ASAP2: variants seen among roughly 807,000 people sequenced by gnomAD.
The protein encoded by ASAP2 is arf-GAP with SH3 domain, ANK repeat and PH domain-containing protein 2.
ASAP2 carries 45 observed loss-of-function variants against 131.4 expected under a neutral mutation model. The observed-to-expected ratio is 0.34, with a 90% CI of 0.27 to 0.44. ASAP2 has a LOEUF of 0.44. Ranked by LOEUF, ASAP2 falls within the 20% of genes least tolerant of loss-of-function variation. The pLI is 1.00. For synonymous variants in ASAP2, 510 were observed against 503.0 expected, an observed-to-expected ratio of 1.01 and a Z score of -0.19; for missense variants, 1,011 against 1,297.0, an observed-to-expected ratio of 0.78 and a Z score of 3.39.
rs1171661319 is a variant in ASAP2, at chr2:9,367,027, A to ATTTTTTTTTTTTTTTTT, written c.1462-1396_1462-1380dup. Among the ~76,000 whole-genome samples, 142 of 132,920 alleles carry ATTTTTTTTTTTTTTTTT rather than the reference A, an allele frequency of 1.1e-3. 11 individuals are homozygous for ATTTTTTTTTTTTTTTTT. The highest frequency in any genetic ancestry group is 4.3e-3 in the African/African-American group (138 of 32,314). 87.2% of individuals were successfully genotyped at this position (132,920 alleles called of 152,430 possible). The stretch of plus-strand genomic sequence containing the variant: ...GTTTGTTAACTCCTTTGCCTGCATA[A>ATTTTTTTTTTTTTTTTT]TTTTTTTTTTTTTTTTTTGTAGAGA... On this transcript the variant is annotated intron_variant, in intron 15 of 27. Coordinates refer to ENST00000281419, the MANE Select transcript of ASAP2 (RefSeq NM_003887.3).
chr2:9,306,004 G>A (rs531239535), intron 3 of ASAP2, among the ~76,000 whole-genome samples: 80 of 148,644 alleles, frequency 5.4e-4, no homozygotes, highest in Non-Finnish European at 7.9e-4. Context: ...TGTAGAGGCT[G>A]TAGTAGTGGG....
In ASAP2 at chr2:9,251,247, T is replaced by TGTA. The variant is rs1664685754; in HGVS notation, c.127-28070_127-28069insGTA. On this transcript the variant is annotated intron_variant, in intron 1 of 27. Coordinates refer to ENST00000281419, the MANE Select transcript of ASAP2 (RefSeq NM_003887.3). ...GAGGTGGGCCCTGTGGCTTTCCCTC[T>TGTA]AGTCACTTGTCTTACAGAGAAGGGG... 2.0e-5 allele frequency among the ~76,000 whole-genome samples: 3 copies of TGTA among 152,218 alleles called. No homozygotes were observed. In the South Asian group the frequency reaches 6.2e-4, roughly 31 times the overall value.
intron 3 of ASAP2, among the ~76,000 whole-genome samples, chr2:9,300,667 A>G (rs1004474587): frequency 2.0e-5 from 3 of 152,352 alleles, no homozygotes; most frequent in East Asian, 1.9e-4. Flanking sequence ...GCTGTGCAGG[A>G]TAGTTTGTAT....
At chr2:9,394,068 A>G (rs1485237534) in intron 24 of ASAP2, among the ~76,000 whole-genome samples, 1 of 149,756 alleles carries the variant, frequency 6.7e-6, no homozygotes, top group Non-Finnish European at 1.5e-5. Flanking sequence ...ATTAACACGG[A>G]TGTAGAAACA....
intron 18 of ASAP2, among the ~76,000 whole-genome samples, chr2:9,377,467 T>C (rs1674496633): frequency 6.6e-6 from 1 of 152,180 alleles, no homozygotes; most frequent in South Asian, 2.1e-4. Flanking sequence ...AGAAGTTGTT[T>C]TTATGCTTTG....
intron 7 of ASAP2, among the ~76,000 whole-genome samples, chr2:9,329,449 A>G (rs1050383625): frequency 6.6e-6 from 1 of 152,078 alleles, no homozygotes; most frequent in African/African-American, 2.4e-5. Flanking sequence ...GGAGGCAAGT[A>G]GGAAACACGA....
chr2:9,274,682 T>G (rs1164272147), intron 1 of ASAP2, among the ~76,000 whole-genome samples: 1 of 152,132 alleles, frequency 6.6e-6, no homozygotes, highest in African/African-American at 2.4e-5. Context: ...TAATTTTAAT[T>G]GTCTATAAAT....
At chr2:9,294,371 A>T (rs890090930) in intron 2 of ASAP2, among the ~76,000 whole-genome samples, 86 of 152,130 alleles carry the variant, frequency 5.7e-4, no homozygotes, top group African/African-American at 2.0e-3. Context: ...AGGAGGGATG[A>T]TAAGGAGTGC....
At chr2:9,297,222 T>C (rs749036056) in intron 2 of ASAP2, 78 bp from the exon 3 acceptor site, 124 of 1,562,530 alleles carry the variant, frequency 7.9e-5, no homozygotes, top group Non-Finnish European at 1.0e-4. Context: ...TTCAGTGTTA[T>C]TCACAACCGA....
chr2:9,345,928 C>T (rs1033866616), intron 11 of ASAP2, among the ~76,000 whole-genome samples: 1 of 151,406 alleles, frequency 6.6e-6, no homozygotes, highest in Non-Finnish European at 1.5e-5. Flanking sequence ...TTGCCAACTT[C>T]GATTTAGAAA....
rs1363865610 is a variant in ASAP2, at chr2:9,392,066, C to T, written c.2518+870C>T. ...GTAGAGACAGGGTTTTGCTATGTTGCCCAGGCTCGAATTCCTGGGCTCAAG... is the reference window on the plus strand; with the variant it reads ...GTAGAGACAGGGTTTTGCTATGTTGTCCAGGCTCGAATTCCTGGGCTCAAG... On this transcript the variant is annotated intron_variant, in intron 23 of 27. Transcript: ENST00000281419. This position sits in a 1 kb window ranked among gnomAD's most constrained non-coding sequence, Gnocchi z 4.0. 6.6e-6 allele frequency among the ~76,000 whole-genome samples: 1 copy of T among 152,110 alleles called. No homozygotes were observed. The highest frequency in any genetic ancestry group is 2.4e-5 in the African/African-American group (1 of 41,410).
intron 7 of ASAP2, among the ~76,000 whole-genome samples, chr2:9,332,597 C>T (rs556873309): frequency 2.0e-5 from 3 of 152,356 alleles, no homozygotes; most frequent in East Asian, 1.9e-4. Context: ...CTCATGCTCA[C>T]GCGCTCTCAC....
intron 4 of ASAP2, among the ~76,000 whole-genome samples, chr2:9,320,060 T>G (rs1417538411): frequency 1.3e-5 from 2 of 152,196 alleles, no homozygotes; most frequent in Non-Finnish European, 2.9e-5. Context: ...GCACCTTGCT[T>G]TTGTGTACAT....
chr2:9,380,266 C>T (rs760855667), intron 19 of ASAP2, among the ~76,000 whole-genome samples: 41 of 151,984 alleles, frequency 2.7e-4, no homozygotes, highest in Non-Finnish European at 8.8e-5. Context: ...GGCACAATCT[C>T]GGCTCACTGC....
intron 24 of ASAP2, among the ~76,000 whole-genome samples, chr2:9,396,477 A>G (rs1676156388): frequency 6.6e-6 from 1 of 151,644 alleles, no homozygotes; most frequent in South Asian, 2.1e-4. Flanking sequence ...GGGTCTCCTT[A>G]TGTTGCCCAG....
At chr2:9,234,992 A>G (rs1663440457) in intron 1 of ASAP2, among the ~76,000 whole-genome samples, 1 of 152,096 alleles carries the variant, frequency 6.6e-6, no homozygotes, top group Non-Finnish European at 1.5e-5. Context: ...TTGACTCCTA[A>G]TGATGACTGG....
rs113676450 is a variant in ASAP2 at position 9,279,453 on chromosome 2, C to T, written c.199+64C>T. The T allele has an allele frequency of 7.5e-4, 1,101 of 1,476,468 alleles. 8 individuals are homozygous for T. The African/African-American group carries it at 0.013, about 17-fold the overall frequency. The allele number at this position is 1,476,468 out of a possible 1,614,324, so 91.5% of individuals were successfully genotyped here. On this transcript the variant is annotated intron_variant, in intron 2 of 27. Coordinates refer to ENST00000281419, the MANE Select transcript of ASAP2 (RefSeq NM_003887.3). ...AATGTCGCATTTGAAGTCCTGGTAC[C>T]GTAATATTGATGACCATTAACAAAT...
chr2:9,341,287 C>T (rs1041207998), intron 9 of ASAP2, among the ~76,000 whole-genome samples: 1 of 152,116 alleles, frequency 6.6e-6, no homozygotes, highest in Non-Finnish European at 1.5e-5. Context: ...CTGGGAGTCA[C>T]CTAGAGGATA....
intron 2 of ASAP2, among the ~76,000 whole-genome samples, chr2:9,286,447 A>AAAAAAAAATAT (rs58605449): frequency 1.3e-5 from 2 of 148,420 alleles, no homozygotes; most frequent in African/African-American, 5.1e-5. Context: ...GAAAAAAAAA[A>AAAAAAAAATAT]ATATATATAT....
Sources: gnomAD v4.1 joint callset for allele counts (sites outside exome capture counted in the v4.1 genomes callset) on GRCh38, gnomAD v4.1.1 for gene constraint, Gnocchi (gnomAD v3.1) non-coding constraint, MANE v1.5 for transcripts, NCBI Gene and HGNC (gene_info 2026-07-23, HGNC 2026-07-21) for gene names.